The following ARHGAP32 variants were observed in gnomAD, a reference collection of about 807,000 sequenced individuals.
ARHGAP32 encodes the protein rho GTPase-activating protein 32.
In ARHGAP32, 51 loss-of-function variants were observed where a neutral mutation model predicts 186.5. The ratio of observed to expected loss-of-function variants is 0.27; its 90% CI spans 0.22 to 0.35. The LOEUF is 0.35. Among genes scored for constraint, ARHGAP32 ranks in the 10% least tolerant of loss-of-function variants. ARHGAP32 has a pLI of 1.00. For synonymous variants in ARHGAP32, 950 were observed against 964.3 expected (o/e 0.99, Z 0.27); for missense variants, 2,186 against 2,623.5 (o/e 0.83, Z 3.64).
intron 2 of ARHGAP32, among the ~76,000 whole-genome samples, chr11:129,131,595 G>A (rs896667264): frequency 4.6e-5 from 7 of 151,912 alleles, no homozygotes; most frequent in African/African-American, 9.7e-5. Context: ...ACCAGATCTC[G>A]TAAGAACTCG....
intron 12 of ARHGAP32, 120 bp downstream of exon 12, chr11:128,998,199 A>G (rs1158987415): frequency 2.5e-6 from 2 of 789,756 alleles, no homozygotes; most frequent in South Asian, 7.9e-5. Flanking sequence ...AGCTTAGTAC[A>G]TGCATTGAAC....
intron 11 of ARHGAP32, among the ~76,000 whole-genome samples, chr11:129,009,685 C>T (rs1192779392): frequency 6.6e-6 from 1 of 152,200 alleles, no homozygotes; most frequent in Non-Finnish European, 1.5e-5. Flanking sequence ...TTTATGGCTG[C>T]ATAGTATTCC....
chr11:129,231,400 T>C (rs1216582810), intron 1 of ARHGAP32, among the ~76,000 whole-genome samples: 2 of 152,148 alleles, frequency 1.3e-5, no homozygotes, highest in Admixed American at 1.3e-4. Flanking sequence ...GCTTGGAATA[T>C]CTTCAACATT....
intron 1 of ARHGAP32, among the ~76,000 whole-genome samples, chr11:129,221,547 T>C (rs964195172): frequency 2.8e-5 from 4 of 142,642 alleles, no homozygotes; most frequent in African/African-American, 1.0e-4. Context: ...ATGGTAAAAA[T>C]TCATAGGCAG....
intron 2 of ARHGAP32, 47 bp downstream of exon 2, chr11:129,164,272 A>C (rs1943589133): frequency 8.7e-7 from 1 of 1,150,572 alleles, no homozygotes; most frequent in Non-Finnish European, 1.2e-6. Flanking sequence ...TAAGTGCTAT[A>C]TATACATATA....
At chr11:129,236,282 T>C (rs1944933268) in intron 1 of ARHGAP32, among the ~76,000 whole-genome samples, 2 of 152,276 alleles carry the variant, frequency 1.3e-5, no homozygotes, top group East Asian at 1.9e-4. Flanking sequence ...TGAGGTAGTA[T>C]TGCACAGTGG....
chr11:129,267,542 CAAAA>C (rs146996850), intron 1 of ARHGAP32, among the ~76,000 whole-genome samples: 5 of 151,184 alleles, frequency 3.3e-5, no homozygotes, highest in African/African-American at 1.2e-4. Context: ...AAAAACAAAA[CAAAA>C]AAAACAAACT....
intron 10 of ARHGAP32, among the ~76,000 whole-genome samples, chr11:129,060,474 T>C (rs1940455306): frequency 6.6e-6 from 1 of 152,200 alleles, no homozygotes; most frequent in Non-Finnish European, 1.5e-5. Flanking sequence ...ATTAATCTTT[T>C]GATCATCTTT....
chr11:129,023,523 T>C (rs758429400), intron 11 of ARHGAP32, among the ~76,000 whole-genome samples: 1 of 152,188 alleles, frequency 6.6e-6, no homozygotes, highest in African/African-American at 2.4e-5. Flanking sequence ...CAGGTTCTTT[T>C]AATCATAAAA....
intron 11 of ARHGAP32, among the ~76,000 whole-genome samples, chr11:129,028,548 C>T (rs1938963289): frequency 6.6e-6 from 1 of 152,170 alleles, no homozygotes; most frequent in African/African-American, 2.4e-5. Context: ...ATGATGAAAG[C>T]TGTACTCCAA....
chr11:129,067,397 A>G lies in ARHGAP32; in HGVS notation c.532-529T>C, dbSNP rs1174219420. Among the ~76,000 whole-genome samples, 6 of 152,146 alleles carry G rather than the reference A, an allele frequency of 3.9e-5. No individual in the cohort carries two copies. The East Asian group carries it at 1.2e-3, about 29-fold the overall frequency. ...TCTCAGGCCTTCCTTTCTTTGCCCAATCTCACAAGCTCATTTTTTAAAATT... is the reference window on the plus strand; with the variant it reads ...TCTCAGGCCTTCCTTTCTTTGCCCAGTCTCACAAGCTCATTTTTTAAAATT... On this transcript the variant is annotated intron_variant, in intron 6 of 22. Coordinates refer to ENST00000682385, the MANE Select transcript of ARHGAP32 (RefSeq NM_001378024.1).
At chr11:129,219,880 T>G (rs916241812) in intron 1 of ARHGAP32, among the ~76,000 whole-genome samples, 5 of 151,988 alleles carry the variant, frequency 3.3e-5, no homozygotes, top group Non-Finnish European at 7.4e-5. Flanking sequence ...CACACAATGT[T>G]CATTCTCAAT....
In ARHGAP32 at chr11:129,077,261, C is replaced by T. The variant is rs1011184887; in HGVS notation, c.532-10393G>A. The stretch of plus-strand genomic sequence containing the variant: ...ATTCTGTAATAACTTTGATGAAGCG[C>T]AAATTTTCCTACGCAGAATCCAGGT... On this transcript the variant is annotated intron_variant, in intron 6 of 22. Transcript: ENST00000682385. Among the ~76,000 whole-genome samples, 62 of 152,246 alleles carry T rather than the reference C, an allele frequency of 4.1e-4. 1 individual carries two copies. The highest frequency in any genetic ancestry group is 1.4e-3 in the African/African-American group (57 of 41,520).
In ARHGAP32 at chr11:129,028,636, G is replaced by A. The variant is rs11605478; in HGVS notation, c.1045+12292C>T. Among the ~76,000 whole-genome samples, 943 of 152,324 alleles carry A rather than the reference G, an allele frequency of 6.2e-3. 15 individuals carry two copies. Among genetic ancestry groups the A allele is most frequent in the Middle Eastern group, 0.037 (11 of 294 alleles). On this transcript the variant is annotated intron_variant, in intron 11 of 22. Coordinates refer to ENST00000682385, the MANE Select transcript of ARHGAP32 (RefSeq NM_001378024.1). The stretch of plus-strand genomic sequence containing the variant: ...TGTGTAACCACTACACACACAGCCT[G>A]GGGAGGAGATGAAGATGAATGACAT...
At chr11:129,273,678 AT>A (rs1945497801) in intron 1 of ARHGAP32, among the ~76,000 whole-genome samples, 1 of 152,168 alleles carries the variant, frequency 6.6e-6, no homozygotes, top group Non-Finnish European at 1.5e-5. Flanking sequence ...TCAACCACCT[AT>A]ATTTCTCCAA....
At position 128,973,285 on chromosome 11, in the gene ARHGAP32, T is replaced by C. The variant is rs1217633460; in HGVS notation, c.3221A>G (p.Lys1074Arg). The change falls in exon 22 of 23, where the codon AAG becomes AGG. Residue 1074 changes from lysine to arginine, a missense_variant. Lys to Arg is a conservative substitution (Grantham distance 26). Coordinates refer to ENST00000682385, the MANE Select transcript of ARHGAP32 (RefSeq NM_001378024.1). ...SAQQASTQSL[K>R]RPGTSQAGYT... ...CCCAGCCTGAGAGGTCCCTGGTCTCTTCAATGACTGAGTTGAGGCTTGCTG... is the reference window on the plus strand; with the variant it reads ...CCCAGCCTGAGAGGTCCCTGGTCTCCTCAATGACTGAGTTGAGGCTTGCTG... The C allele has an allele frequency of 1.2e-6, 2 of 1,614,208 alleles. No individual in the cohort carries two copies. The highest frequency in any genetic ancestry group is 1.7e-6 in the Non-Finnish European group (2 of 1,180,048).
At chr11:129,058,240 A>C (rs9665966) in intron 10 of ARHGAP32, among the ~76,000 whole-genome samples, 50,477 of 103,686 alleles carry the variant, frequency 0.49, 8,859 homozygotes, top group African/African-American at 0.52. Context: ...CTCTCTCTCT[A>C]TATATATATA....
At chr11:129,129,356 G>A (rs1023075473) in intron 2 of ARHGAP32, among the ~76,000 whole-genome samples, 6 of 151,034 alleles carry the variant, frequency 4.0e-5, no homozygotes, top group Non-Finnish European at 7.4e-5. Context: ...CCCGGCAGCC[G>A]CCCCGTCTGG....
At chr11:129,249,850 C>T (rs980751015) in intron 1 of ARHGAP32, among the ~76,000 whole-genome samples, 3 of 151,914 alleles carry the variant, frequency 2.0e-5, no homozygotes, top group African/African-American at 7.3e-5. Flanking sequence ...CTCTGAAATC[C>T]AGTAAATCCA....
Sources: gnomAD v4.1 joint callset for allele counts (sites outside exome capture counted in the v4.1 genomes callset) on GRCh38, gnomAD v4.1.1 for gene constraint, MANE v1.5 for transcripts, NCBI Gene and HGNC (gene_info 2026-07-23, HGNC 2026-07-21) for gene names.